The following STOX1 variants were observed in gnomAD, a reference collection of about 807,000 sequenced individuals.
STOX1 encodes the protein storkhead box 1.
Under a neutral mutation model 74.8 loss-of-function variants are expected in STOX1, and 57 were observed. That is an observed-to-expected ratio of 0.76 (90% confidence interval 0.62 to 0.95). The LOEUF (loss-of-function observed/expected upper bound fraction) is 0.95. Among genes scored for constraint, STOX1 ranks in the 40% least tolerant of loss-of-function variants. The pLI, the probability that STOX1 is intolerant of heterozygous loss-of-function variation, is 0.00. For missense variants in STOX1, 1,010 were observed against 1,117.0 expected (o/e 0.90, Z 1.37); for synonymous variants, 375 against 401.3 (o/e 0.93, Z 0.78).
chr10:68,871,001 A>G (rs1340376950), intron 1 of STOX1, among the ~76,000 whole-genome samples: 2 of 152,204 alleles, frequency 1.3e-5, no homozygotes, highest in Non-Finnish European at 2.9e-5. Flanking sequence ...GTTTGCTGTA[A>G]TTGATTTTGA....
At chr10:68,856,395 T>C (rs1375560396) in intron 1 of STOX1, among the ~76,000 whole-genome samples, 1 of 134,650 alleles carries the variant, frequency 7.4e-6, no homozygotes, top group Non-Finnish European at 1.8e-5. Context: ...TCCTTCTCCT[T>C]CTCCCCGTTT....
intron 2 of STOX1, among the ~76,000 whole-genome samples, chr10:68,883,554 C>T (rs1355661923): frequency 1.3e-5 from 2 of 152,008 alleles, no homozygotes; most frequent in Non-Finnish European, 2.9e-5. Flanking sequence ...TCTGGTACTA[C>T]AGACACCCGC....
At chr10:68,857,146 G>GA (rs1359995656) in intron 1 of STOX1, among the ~76,000 whole-genome samples, 4 of 151,970 alleles carry the variant, frequency 2.6e-5, no homozygotes, top group East Asian at 3.9e-4. Flanking sequence ...CAGAGTAAGA[G>GA]AAAAAAATAA....
At chr10:68,844,231 T>C (rs1482293632) in intron 1 of STOX1, among the ~76,000 whole-genome samples, 1 of 151,942 alleles carries the variant, frequency 6.6e-6, no homozygotes, top group South Asian at 2.1e-4. Flanking sequence ...TAATTTGTAT[T>C]TCCCTAATGA....
chr10:68,875,328 A>G (rs1589232967), intron 1 of STOX1, among the ~76,000 whole-genome samples: 1 of 152,216 alleles, frequency 6.6e-6, no homozygotes, highest in Admixed American at 6.5e-5. Flanking sequence ...GATCATCTGT[A>G]ACTGGAAGAT....
intron 1 of STOX1, among the ~76,000 whole-genome samples, chr10:68,867,037 C>A (rs187107624): frequency 6.6e-6 from 1 of 151,804 alleles, no homozygotes; most frequent in African/African-American, 2.4e-5. Flanking sequence ...CTCCGCCTCC[C>A]GGGTTCACGC....
intron 1 of STOX1, among the ~76,000 whole-genome samples, chr10:68,864,550 G>A (rs1840354610): frequency 6.6e-6 from 1 of 152,166 alleles, no homozygotes; most frequent in Admixed American, 6.5e-5. Context: ...AACAATCTGA[G>A]TTCTCCCATT....
At chr10:68,869,404 C>A (rs1243479246) in intron 1 of STOX1, among the ~76,000 whole-genome samples, 1 of 152,070 alleles carries the variant, frequency 6.6e-6, no homozygotes, top group Non-Finnish European at 1.5e-5. Flanking sequence ...GGTAGCCATT[C>A]GTTAAATGTT....
intron 3 of STOX1, among the ~76,000 whole-genome samples, chr10:68,890,452 T>A (rs1053048265): frequency 6.6e-6 from 1 of 152,052 alleles, no homozygotes. Flanking sequence ...CATGAGCCAC[T>A]GTGCCCAGCC....
At chr10:68,868,629 A>G (rs1840465107) in intron 1 of STOX1, among the ~76,000 whole-genome samples, 1 of 152,190 alleles carries the variant, frequency 6.6e-6, no homozygotes, top group Middle Eastern at 3.2e-3. Context: ...AATCTCCTGA[A>G]CCGAGGAGGC....
chr10:68,873,654 T>C (rs1840601703), intron 1 of STOX1, among the ~76,000 whole-genome samples: 1 of 142,758 alleles, frequency 7.0e-6, no homozygotes. Flanking sequence ...TTTTTTTCTT[T>C]TTTTTTTTTT....
chr10:68,874,964 C>A (rs1336618051), intron 1 of STOX1, among the ~76,000 whole-genome samples: 1 of 152,046 alleles, frequency 6.6e-6, no homozygotes, highest in Non-Finnish European at 1.5e-5. Context: ...CTGAAATGGC[C>A]GGGAAATGGA....
chr10:68,876,895 GA>G (rs1250317748), intron 1 of STOX1, among the ~76,000 whole-genome samples: 2 of 152,132 alleles, frequency 1.3e-5, no homozygotes, highest in Non-Finnish European at 2.9e-5. Context: ...AATTTTTGGT[GA>G]AAAACTCTAA....
intron 3 of STOX1, among the ~76,000 whole-genome samples, chr10:68,891,675 G>A (rs972705638): frequency 7.2e-5 from 11 of 151,768 alleles, no homozygotes; most frequent in African/African-American, 4.8e-5. Flanking sequence ...GGTGGCACGC[G>A]CCTGTAATCC....
intron 1 of STOX1, among the ~76,000 whole-genome samples, chr10:68,869,027 C>T (rs1375727539): frequency 6.6e-6 from 1 of 152,204 alleles, no homozygotes; most frequent in Admixed American, 6.5e-5. Context: ...CTCCACTATT[C>T]CTTTATTTAT....
intron 1 of STOX1, among the ~76,000 whole-genome samples, chr10:68,852,048 C>T (rs886079707): frequency 1.6e-4 from 25 of 151,798 alleles, no homozygotes; most frequent in African/African-American, 5.6e-4. Flanking sequence ...GTAGCAGAAA[C>T]GCTTGAACCT....
chr10:68,832,995 C>T (rs544819669), intron 1 of STOX1, among the ~76,000 whole-genome samples: 1 of 151,960 alleles, frequency 6.6e-6, no homozygotes, highest in African/African-American at 2.4e-5. Flanking sequence ...GTCTCAGACT[C>T]CTGGGCTCAA....
chr10:68,884,841 G>C lies in STOX1; in HGVS notation c.1045G>C (p.Asp349His). Residue 349 changes from aspartate (D) to histidine (H), a missense_variant, in exon 3 of 4, where the codon GAC becomes CAC. By Grantham distance (81) the Asp-to-His change is moderately conservative. Coordinates refer to ENST00000298596, the MANE Select transcript of STOX1 (RefSeq NM_152709.5). ...AGAATGGCCCGTCCGAGATGAAGAT[G>C]ACTTGGACAATATCCCTCGAGATGT... Reference protein sequence around the residue: ...PEEWPVRDEDDLDNIPRDVEH... With the variant: ...PEEWPVRDEDHLDNIPRDVEH... The C allele has an allele frequency of 1.2e-6, 2 of 1,614,172 alleles. No individual in the cohort carries two copies. Among genetic ancestry groups the C allele is most frequent in the Non-Finnish European group, 1.7e-6 (2 of 1,180,020 alleles).
rs536184707 is a variant in STOX1, at chr10:68,885,000, A to G, written c.1204A>G (p.Ile402Val). 6.2e-6 allele frequency: 10 copies of G among 1,614,180 alleles called. No individual in the cohort carries two copies. The East Asian group carries it at 1.3e-4, about 22-fold the overall frequency. ...SQGTSTDMLT[I>V]GHKYPSKEGV... is the part of the protein sequence containing the mutation. ...GGGCACTTCCACTGACATGCTGACA[A>G]TCGGGCATAAGTATCCTTCAAAAGA... is the stretch of plus-strand genomic sequence containing the variant. The change falls in exon 3 of 4, where the codon ATC (isoleucine) becomes GTC (valine). Residue 402 changes from isoleucine to valine, a missense_variant. By Grantham distance (29) the Ile-to-Val change is conservative (BLOSUM62 3). Coordinates refer to ENST00000298596, the MANE Select transcript of STOX1 (RefSeq NM_152709.5).
Sources: allele counts gnomAD v4.1 joint callset (sites outside exome capture counted in the v4.1 genomes callset), GRCh38; gene constraint gnomAD v4.1.1; transcripts MANE v1.5; gene names NCBI Gene and HGNC (gene_info 2026-07-23, HGNC 2026-07-21).